Variants in CCBE1 observed in about 807,000 individuals in gnomAD.
CCBE1 encodes collagen and calcium-binding EGF domain-containing protein 1.
In CCBE1, 37 loss-of-function variants were observed where a neutral mutation model predicts 50.0. The ratio of observed to expected loss-of-function variants is 0.74; its 90% CI spans 0.57 to 0.97. CCBE1 has a LOEUF of 0.97. Ranked by LOEUF, CCBE1 falls within the 50% of genes least tolerant of loss-of-function variation. CCBE1 has a pLI of 0.00. For synonymous variants in CCBE1, 234 were observed against 203.7 expected (o/e 1.15, Z -1.27); for missense variants, 538 against 523.8 (o/e 1.03, Z -0.26).
At chr18:59,686,266 G>A (rs1333782241) in intron 2 of CCBE1, 1 of 152,164 alleles carries the variant, frequency 6.6e-6, no homozygotes, top group African/African-American at 2.4e-5. Context: ...TCCAACTTTT[G>A]TTTTTAACCA....
chr18:59,483,071 C>T (rs1350138527), intron 2 of CCBE1, among the ~76,000 whole-genome samples: 1 of 152,046 alleles, frequency 6.6e-6, no homozygotes, highest in Non-Finnish European at 1.5e-5. Context: ...TGTGAACACA[C>T]CATTTACACA....
intron 2 of CCBE1, among the ~76,000 whole-genome samples, chr18:59,548,164 C>A (rs568398279): frequency 3.3e-5 from 5 of 152,100 alleles, no homozygotes; most frequent in Non-Finnish European, 5.9e-5. Flanking sequence ...CAACTGAGGT[C>A]CGAGATCATA....
chr18:59,469,715 G>A, intron 3 of CCBE1, 108 bp from the exon 4 acceptor site: 3 of 1,405,210 alleles, frequency 2.1e-6, no homozygotes. Flanking sequence ...GGGCACGTGT[G>A]AAGTGTGGAC....
intron 2 of CCBE1, among the ~76,000 whole-genome samples, chr18:59,598,657 G>T (rs1229853358): frequency 6.6e-6 from 1 of 152,224 alleles, no homozygotes; most frequent in Non-Finnish European, 1.5e-5. Flanking sequence ...AGCTGAGGTA[G>T]GTGTGGCCCT....
At chr18:59,466,416 C>T (rs1212295799) in intron 5 of CCBE1, among the ~76,000 whole-genome samples, 2 of 151,926 alleles carry the variant, frequency 1.3e-5, no homozygotes, top group Non-Finnish European at 2.9e-5. Context: ...GTGAGGCCTC[C>T]CCAGCCATAT....
chr18:59,687,651 TAAAAGGAAGTTC>T lies in CCBE1; in HGVS notation c.212+8966_212+8977del, dbSNP rs200431246. Among the ~76,000 whole-genome samples, 1,460 of 152,290 alleles carry T rather than the reference TAAAAGGAAGTTC, an allele frequency of 9.6e-3. 22 individuals carry two copies. The highest frequency in any genetic ancestry group is 0.034 in the African/African-American group (1,412 of 41,558). On this transcript the variant is annotated intron_variant, in intron 2 of 10. Coordinates refer to ENST00000439986, the MANE Select transcript of CCBE1 (RefSeq NM_133459.4). ...CTTTGTGGAACAAAACAGCTGGTGTTAAAAGGAAGTTCAAAAATTCATAAGTTTAGGCTGGGT... is the reference window on the plus strand; with the variant it reads ...CTTTGTGGAACAAAACAGCTGGTGTTAAAAATTCATAAGTTTAGGCTGGGT...
At chr18:59,500,050 A>G (rs1913543584) in intron 2 of CCBE1, among the ~76,000 whole-genome samples, 1 of 152,214 alleles carries the variant, frequency 6.6e-6, no homozygotes, top group Non-Finnish European at 1.5e-5. Flanking sequence ...TGTAGGGCTT[A>G]GCTCTTCAGC....
intron 5 of CCBE1, among the ~76,000 whole-genome samples, chr18:59,461,682 GA>G (rs2143699631): frequency 6.6e-6 from 1 of 150,702 alleles, no homozygotes; most frequent in South Asian, 2.1e-4. Context: ...TTTGGGGAAG[GA>G]TGTCAATGGA....
chr18:59,445,059 T>C (rs1910610803), intron 7 of CCBE1, among the ~76,000 whole-genome samples: 1 of 150,112 alleles, frequency 6.7e-6, no homozygotes, highest in African/African-American at 2.5e-5. Context: ...GTCCCATTCA[T>C]CTACTGCTTT....
chr18:59,554,105 C>T (rs951752001), intron 2 of CCBE1, among the ~76,000 whole-genome samples: 28 of 152,180 alleles, frequency 1.8e-4, no homozygotes, highest in Non-Finnish European at 4.0e-4. Flanking sequence ...CGGGCTCAAG[C>T]CGTCCTTCTG....
chr18:59,638,217 A>G (rs1222831228), intron 2 of CCBE1, among the ~76,000 whole-genome samples: 1 of 152,252 alleles, frequency 6.6e-6, no homozygotes, highest in East Asian at 1.9e-4. Context: ...TGATTTCAAA[A>G]TAACACACTC....
intron 2 of CCBE1, among the ~76,000 whole-genome samples, chr18:59,556,212 A>T (rs542983448): frequency 1.4e-4 from 21 of 152,176 alleles, no homozygotes; most frequent in Non-Finnish European, 2.8e-4. Flanking sequence ...AAATGCATGA[A>T]ATACAGACAA....
chr18:59,595,512 A>C (rs974258361), intron 2 of CCBE1, among the ~76,000 whole-genome samples: 1 of 152,230 alleles, frequency 6.6e-6, no homozygotes, highest in Non-Finnish European at 1.5e-5. Flanking sequence ...TAAATTCAAT[A>C]AATGTTCCCC....
intron 2 of CCBE1, among the ~76,000 whole-genome samples, chr18:59,648,360 G>C (rs1329948249): frequency 6.6e-6 from 1 of 152,096 alleles, no homozygotes; most frequent in Admixed American, 6.5e-5. Flanking sequence ...ACAGAACCCT[G>C]TGACAGACTA....
intron 2 of CCBE1, among the ~76,000 whole-genome samples, chr18:59,587,958 T>C (rs1043979336): frequency 6.6e-6 from 1 of 152,158 alleles, no homozygotes; most frequent in South Asian, 2.1e-4. Flanking sequence ...ACAAAGAAAA[T>C]ATAAAGCTTT....
At chr18:59,597,296 C>A (rs1417031976) in intron 2 of CCBE1, among the ~76,000 whole-genome samples, 1 of 152,226 alleles carries the variant, frequency 6.6e-6, no homozygotes, top group African/African-American at 2.4e-5. Flanking sequence ...AATGCCTGGG[C>A]ATGCAATACA....
chr18:59,581,698 G>T (rs935417524), intron 2 of CCBE1, among the ~76,000 whole-genome samples: 1 of 152,158 alleles, frequency 6.6e-6, no homozygotes, highest in East Asian at 1.9e-4. Flanking sequence ...TATTACTTAC[G>T]TTGGGGCCAG....
intron 2 of CCBE1, among the ~76,000 whole-genome samples, chr18:59,487,909 G>T (rs1268562334): frequency 6.6e-6 from 1 of 152,224 alleles, no homozygotes; most frequent in African/African-American, 2.4e-5. Context: ...GGTCATAGCA[G>T]CATTATTCAC....
chr18:59,505,649 CAT>C (rs1311540817), intron 2 of CCBE1, among the ~76,000 whole-genome samples: 2 of 152,290 alleles, frequency 1.3e-5, no homozygotes, highest in East Asian at 1.9e-4. Context: ...TTTATAAAGA[CAT>C]GTTAAAATTG....
Sources: allele counts gnomAD v4.1 joint callset (sites outside exome capture counted in the v4.1 genomes callset), GRCh38; gene constraint gnomAD v4.1.1; transcripts MANE v1.5; gene names NCBI Gene and HGNC (gene_info 2026-07-23, HGNC 2026-07-21).